Variants in RSBN1 observed in about 807,000 individuals in gnomAD.
The protein encoded by RSBN1 is round spermatid basic protein 1, also known as lysine-specific demethylase 9.
RSBN1 carries 23 observed loss-of-function variants against 74.8 expected under a neutral mutation model. The observed-to-expected ratio is 0.31, with a 90% CI of 0.22 to 0.44. The LOEUF is 0.44. Ranked by LOEUF, RSBN1 falls within the 20% of genes least tolerant of loss-of-function variation. The pLI, the probability that RSBN1 is intolerant of heterozygous loss-of-function variation, is 1.00. For synonymous variants in RSBN1, 407 were observed against 379.6 expected (o/e 1.07, Z -0.84); for missense variants, 808 against 1,020.9 (o/e 0.79, Z 2.84).
rs772730811 is a variant in RSBN1, at chr1:113,812,228, A to G, written c.185T>C (p.Val62Ala). 1.9e-6 allele frequency: 3 copies of G among 1,605,798 alleles called. No homozygotes were observed. Among genetic ancestry groups the G allele is most frequent in the Non-Finnish European group, 2.5e-6 (3 of 1,179,718 alleles). Residue 62 changes from valine (V) to alanine (A), a missense_variant, in exon 1 of 7, where the codon GTG (valine) becomes GCG (alanine). Val to Ala is a moderately conservative substitution (Grantham distance 64). Around this residue, in one of 6 missense-constraint regions of RSBN1, gnomAD observed 464 missense variants for 401.0 expected, o/e 1.16. Coordinates refer to ENST00000261441, the MANE Select transcript of RSBN1 (RefSeq NM_018364.5). ...QVGAVRVVRA[V>A]AAQEEPDKEG... is the part of the protein sequence containing the mutation. ...TTTGTCCGGCTCCTCCTGCGCCGCC[A>G]CCGCCCGTACTACGCGCACCGCTCC...
At chr1:113,782,727 G>A (rs1276657024) in intron 2 of RSBN1, among the ~76,000 whole-genome samples, 1 of 152,118 alleles carries the variant, frequency 6.6e-6, no homozygotes, top group African/African-American at 2.4e-5. Flanking sequence ...CATCCACACT[G>A]TTGACCATAA....
intron 2 of RSBN1, among the ~76,000 whole-genome samples, chr1:113,788,272 A>C (rs1660299088): frequency 6.6e-6 from 1 of 152,094 alleles, no homozygotes; most frequent in African/African-American, 2.4e-5. Context: ...GTTTCAGAAA[A>C]AAACGATAAC....
At chr1:113,808,587 C>T (rs1335343637) in intron 1 of RSBN1, among the ~76,000 whole-genome samples, 1 of 152,108 alleles carries the variant, frequency 6.6e-6, no homozygotes, top group African/African-American at 2.4e-5. Context: ...TCAAAATGTC[C>T]TTTCTTATAC....
At chr1:113,775,026 CTTT>C (rs570357627) in intron 4 of RSBN1, among the ~76,000 whole-genome samples, 1 of 142,228 alleles carries the variant, frequency 7.0e-6, no homozygotes, top group Admixed American at 7.0e-5. Flanking sequence ...TGGTGGCTAC[CTTT>C]TTTTTTTTTT....
intron 2 of RSBN1, among the ~76,000 whole-genome samples, chr1:113,796,872 G>A (rs953930333): frequency 3.3e-5 from 5 of 152,168 alleles, no homozygotes; most frequent in Admixed American, 1.3e-4. Flanking sequence ...AGGCTATGGC[G>A]GTCTTCCTAA....
intron 1 of RSBN1, among the ~76,000 whole-genome samples, chr1:113,807,828 A>AC (rs1660741771): frequency 6.7e-6 from 1 of 150,050 alleles, no homozygotes; most frequent in African/African-American, 2.5e-5. Flanking sequence ...CACACACACA[A>AC]AATTCAATTA....
At chr1:113,809,567 A>G (rs999575388) in intron 1 of RSBN1, among the ~76,000 whole-genome samples, 22 of 152,252 alleles carry the variant, frequency 1.4e-4, no homozygotes, top group African/African-American at 1.7e-4. Context: ...TTCATGTTAC[A>G]TATGTAGAAG....
chr1:113,804,299 G>C (rs944825336), intron 1 of RSBN1, among the ~76,000 whole-genome samples: 2 of 152,104 alleles, frequency 1.3e-5, no homozygotes, highest in African/African-American at 4.8e-5. Context: ...AAACGTATTT[G>C]CCAAATGTCT....
rs1659712027 is a variant in RSBN1, at chr1:113,763,082, T to G, written c.*2898A>C. On this transcript the variant is annotated 3_prime_UTR_variant, in exon 7 of 7. Coordinates refer to ENST00000261441, the MANE Select transcript of RSBN1 (RefSeq NM_018364.5). Reference sequence around the variant, plus strand: ...TATATAGGTTTTTATTATTATTGCTTTATGAATTTGGGTTACCACTTTGAA... The same window carrying G: ...TATATAGGTTTTTATTATTATTGCTGTATGAATTTGGGTTACCACTTTGAA... 1 of 152,790 alleles carries G rather than the reference T, an allele frequency of 6.5e-6. No homozygotes were observed. Among genetic ancestry groups the G allele is most frequent in the African/African-American group, 2.4e-5 (1 of 41,458 alleles). The allele number at this position is 152,790 out of a possible 1,614,324, so 9.5% of individuals were successfully genotyped here. A position where few individuals can be genotyped will look rare whatever the true frequency, so the allele number is the denominator to read the frequency against.
chr1:113,793,643 A>G (rs1432032679), intron 2 of RSBN1, among the ~76,000 whole-genome samples: 1 of 150,876 alleles, frequency 6.6e-6, no homozygotes, highest in Non-Finnish European at 1.5e-5. Flanking sequence ...CACATCTCTC[A>G]AACTTGGATC....
chr1:113,782,247 A>T (rs550462901), intron 2 of RSBN1, among the ~76,000 whole-genome samples: 5 of 152,318 alleles, frequency 3.3e-5, no homozygotes, highest in Admixed American at 3.3e-4. Flanking sequence ...ATAAGGTTTC[A>T]AGCTCAAAGA....
chr1:113,775,227 G>A (rs1031819412), intron 4 of RSBN1, among the ~76,000 whole-genome samples: 4 of 151,936 alleles, frequency 2.6e-5, no homozygotes, highest in Admixed American at 6.6e-5. Context: ...GTTTCACCAT[G>A]TTGACCAGGA....
chr1:113,807,755 C>A (rs766423665), intron 1 of RSBN1, among the ~76,000 whole-genome samples: 4 of 148,102 alleles, frequency 2.7e-5, no homozygotes, highest in African/African-American at 9.9e-5. Flanking sequence ...GAGTGAAATT[C>A]TGTCTCAAAA....
rs929593181 is a variant in RSBN1 at position 113,762,793 on chromosome 1, G to A, written c.*3187C>T. On this transcript the variant is annotated 3_prime_UTR_variant, in exon 7 of 7. Coordinates refer to ENST00000261441, the MANE Select transcript of RSBN1 (RefSeq NM_018364.5). ...TCATTAAGTGTGACTTTTATGCCTA[G>A]TAAGACTGATGCAAGACATCTTTTC... The A allele has an allele frequency of 1.4e-4, 21 of 152,678 alleles. No homozygotes were observed. Among genetic ancestry groups the A allele is most frequent in the Admixed American group, 6.5e-5 (1 of 15,276 alleles). The allele number at this position is 152,678 out of a possible 1,614,324, so 9.5% of individuals were successfully genotyped here.
At chr1:113,767,665 T>G (rs1659806157) in intron 5 of RSBN1, among the ~76,000 whole-genome samples, 1 of 152,222 alleles carries the variant, frequency 6.6e-6, no homozygotes, top group Non-Finnish European at 1.5e-5. Flanking sequence ...AAGAGATATT[T>G]ATACACCCAT....
chr1:113,812,036 G>T lies in RSBN1; in HGVS notation c.377C>A (p.Pro126Gln), dbSNP rs1204801662. ...RRSRQHPGPL[P>Q]PTNAAPTVPG... Reference sequence around the variant, plus strand: ...GACAGTTGGGGCTGCATTCGTTGGCGGCAGCGGCCCAGGATGTTGGCGGCT... The same window carrying T: ...GACAGTTGGGGCTGCATTCGTTGGCTGCAGCGGCCCAGGATGTTGGCGGCT... The change falls in exon 1 of 7, where the codon CCG (proline) becomes CAG (glutamine). Residue 126 changes from proline (P) to glutamine (Q), a missense_variant. This residue lies in a region of RSBN1 where 464 missense variants were observed against 401.0 expected (regional missense o/e 1.16). Transcript: ENST00000261441. The T allele has an allele frequency of 6.5e-7, 1 of 1,530,882 alleles. No homozygotes were observed. The highest frequency in any genetic ancestry group is 2.4e-5 in the East Asian group (1 of 42,430). 94.8% of individuals were successfully genotyped at this position (1,530,882 alleles called of 1,614,324 possible).
At chr1:113,787,798 C>CT (rs1054380868) in intron 2 of RSBN1, among the ~76,000 whole-genome samples, 86 of 152,142 alleles carry the variant, frequency 5.7e-4, no homozygotes, top group African/African-American at 2.1e-3. Context: ...TCTTTAAACA[C>CT]TAATATTTAG....
chr1:113,777,490 T>C, intron 3 of RSBN1, 138 bp from the exon 4 acceptor site: 1 of 947,012 alleles, frequency 1.1e-6, no homozygotes, highest in South Asian at 2.3e-5. Flanking sequence ...CATAGTAATT[T>C]ATATTAAAAA....
chr1:113,774,012 A>T (rs191945624), intron 4 of RSBN1, among the ~76,000 whole-genome samples: 232 of 151,496 alleles, frequency 1.5e-3, no homozygotes, highest in African/African-American at 5.3e-3. Flanking sequence ...AAAAAATATT[A>T]AAAAAAAAGA....
Sources: gnomAD v4.1 joint callset for allele counts (sites outside exome capture counted in the v4.1 genomes callset) on GRCh38, gnomAD v4.1.1 for gene constraint, gnomAD v4.1.1 regional missense constraint, MANE v1.5 for transcripts, NCBI Gene and HGNC (gene_info 2026-07-23, HGNC 2026-07-21) for gene names.